The following APP variants were observed in gnomAD, a reference collection of about 807,000 sequenced individuals.
The protein encoded by APP is amyloid-beta precursor protein.
Under a neutral mutation model 101.4 loss-of-function variants are expected in APP, and 31 were observed. The observed-to-expected ratio is 0.31, with a 90% CI of 0.23 to 0.41. APP has a LOEUF of 0.41. Ranked by LOEUF, APP falls within the 10% of genes least tolerant of loss-of-function variation. The pLI is 1.00. For synonymous variants in APP, 366 were observed against 364.4 expected (o/e 1.00, Z -0.05); for missense variants, 839 against 1,003.7 (o/e 0.84, Z 2.22).
At chr21:25,907,173 T>C (rs1381368977) in intron 14 of APP, among the ~76,000 whole-genome samples, 1 of 152,224 alleles carries the variant, frequency 6.6e-6, no homozygotes, top group African/African-American at 2.4e-5. Context: ...TAAATAGGCA[T>C]GTATTATTTA....
intron 5 of APP, among the ~76,000 whole-genome samples, chr21:26,048,479 C>T (rs1272382702): frequency 9.2e-5 from 14 of 152,132 alleles, no homozygotes; most frequent in Admixed American, 9.2e-4. Flanking sequence ...TGTTGGTCCG[C>T]ATTCAAAGTC....
intron 1 of APP, among the ~76,000 whole-genome samples, chr21:26,150,313 G>A (rs2063238003): frequency 6.6e-6 from 1 of 152,136 alleles, no homozygotes; most frequent in African/African-American, 2.4e-5. Flanking sequence ...GTTTCTGCAG[G>A]CGATGGTGCC....
chr21:25,882,361 T>C (rs1021946974), intron 17 of APP, among the ~76,000 whole-genome samples: 2 of 149,034 alleles, frequency 1.3e-5, no homozygotes, highest in African/African-American at 2.5e-5. Context: ...AGGGGGCTAT[T>C]ATTTGGCACA....
chr21:26,138,871 A>C (rs1178035702), intron 1 of APP, among the ~76,000 whole-genome samples: 1 of 152,222 alleles, frequency 6.6e-6, no homozygotes, highest in Admixed American at 6.5e-5. Context: ...TTTGTCAGGA[A>C]CTGCTCCCTT....
At chr21:25,884,666 G>A (rs1015584293) in intron 17 of APP, among the ~76,000 whole-genome samples, 3 of 152,126 alleles carry the variant, frequency 2.0e-5, no homozygotes, top group African/African-American at 4.8e-5. Flanking sequence ...CCATCACCTC[G>A]AAACTGAGAA....
chr21:26,090,099 T>C (rs753277239), intron 2 of APP, 27 bp from the exon 3 acceptor site: 8 of 1,613,382 alleles, frequency 5.0e-6, no homozygotes, highest in East Asian at 4.5e-5. Flanking sequence ...AAAGAATCAA[T>C]TGTTACTTGA....
intron 1 of APP, chr21:26,140,319 C>G: frequency 6.5e-7 from 1 of 1,528,476 alleles, no homozygotes; most frequent in Non-Finnish European, 8.8e-7. Flanking sequence ...AGCTTCCATC[C>G]TCGGGAGGGT....
At chr21:25,936,275 C>G (rs1441930622) in intron 13 of APP, among the ~76,000 whole-genome samples, 4 of 66 alleles carry the variant, frequency 0.061, no homozygotes, top group Non-Finnish European at 0.11. Context: ...AAGGAGGAGG[C>G]CGGGTGCGGG....
intron 5 of APP, among the ~76,000 whole-genome samples, chr21:26,048,060 TA>T (rs2045683337): frequency 6.6e-6 from 1 of 152,124 alleles, no homozygotes; most frequent in Non-Finnish European, 1.5e-5. Context: ...CTCAAGCCTG[TA>T]ATCCCAGCAC....
At chr21:26,069,822 G>A (rs2046604360) in intron 3 of APP, among the ~76,000 whole-genome samples, 1 of 152,188 alleles carries the variant, frequency 6.6e-6, no homozygotes, top group African/African-American at 2.4e-5. Flanking sequence ...CTTAAAAGAT[G>A]CAGAACTATT....
In APP at chr21:25,905,020, A is replaced by G. The variant is rs763165305; in HGVS notation, c.1963+4T>C. 1 of 1,613,698 alleles carries G rather than the reference A, an allele frequency of 6.2e-7. No homozygotes were observed. Among genetic ancestry groups the G allele is most frequent in the Admixed American group, 1.7e-5 (1 of 59,996 alleles). On this transcript the variant is annotated splice_donor_region_variant and intron_variant, in intron 15 of 17. Transcript: ENST00000346798. ...GAGAGGCACAAGTCAAGCGGTTCTG[A>G]TACCTGGTCGAGTGGTCAGTCCTCG... is the stretch of plus-strand genomic sequence containing the variant.
intron 13 of APP, among the ~76,000 whole-genome samples, chr21:25,946,264 T>C (rs1286921052): frequency 6.6e-6 from 1 of 152,218 alleles, no homozygotes; most frequent in Non-Finnish European, 1.5e-5. Flanking sequence ...AAAAGGATCC[T>C]ATTAAGGAAG....
chr21:26,011,442 C>A (rs1472208190), intron 6 of APP, among the ~76,000 whole-genome samples: 1 of 152,060 alleles, frequency 6.6e-6, no homozygotes, highest in Non-Finnish European at 1.5e-5. Flanking sequence ...TGTTTTGCAA[C>A]CAGAGAGAGT....
At chr21:26,061,448 A>C (rs772828596) in intron 3 of APP, among the ~76,000 whole-genome samples, 2 of 152,168 alleles carry the variant, frequency 1.3e-5, no homozygotes, top group Non-Finnish European at 2.9e-5. Context: ...GAATGTGCTC[A>C]TTATATGCTA....
intron 3 of APP, among the ~76,000 whole-genome samples, chr21:26,054,106 T>G (rs2045943057): frequency 6.6e-6 from 1 of 152,220 alleles, no homozygotes; most frequent in South Asian, 2.1e-4. Flanking sequence ...GCACAGATTC[T>G]TGCACATAGT....
intron 5 of APP, among the ~76,000 whole-genome samples, chr21:26,034,662 G>GA (rs1204361152): frequency 4.2e-5 from 6 of 142,092 alleles, no homozygotes; most frequent in African/African-American, 1.4e-4. Flanking sequence ...AAAAGAAAAA[G>GA]AAAAAAAGAA....
At chr21:26,119,714 A>G (rs2062522487) in intron 1 of APP, among the ~76,000 whole-genome samples, 1 of 152,214 alleles carries the variant, frequency 6.6e-6, no homozygotes, top group Non-Finnish European at 1.5e-5. Context: ...ACATATACAC[A>G]CAGTTTAAGA....
chr21:25,907,188 CAAT>C (rs1314893630), intron 14 of APP, among the ~76,000 whole-genome samples: 1 of 152,036 alleles, frequency 6.6e-6, no homozygotes, highest in East Asian at 1.9e-4. Flanking sequence ...TATTTAAAAA[CAAT>C]AATAAAACCC....
At chr21:26,091,969 G>A (rs182457773) in intron 2 of APP, among the ~76,000 whole-genome samples, 44 of 152,132 alleles carry the variant, frequency 2.9e-4, no homozygotes, top group South Asian at 2.1e-4. Context: ...AATTGTCCAT[G>A]ACATTCAGAG....
Sources: gnomAD v4.1 joint callset for allele counts (sites outside exome capture counted in the v4.1 genomes callset) on GRCh38, gnomAD v4.1.1 for gene constraint, MANE v1.5 for transcripts, NCBI Gene and HGNC (gene_info 2026-07-23, HGNC 2026-07-21) for gene names.